Variants in TCTN2 observed in about 807,000 individuals in gnomAD.
The protein encoded by TCTN2 is tectonic family member 2, also known as tectonic-2.
A neutral mutation model predicts 83.4 loss-of-function variants in TCTN2; 66 were observed. That is an observed-to-expected ratio of 0.79 (90% CI 0.65 to 0.97). The LOEUF is 0.97. TCTN2 is among the 50% of genes least tolerant of loss of function. TCTN2 has a pLI of 0.00. For missense variants in TCTN2, 794 were observed against 858.1 expected (o/e 0.93, Z 0.93); for synonymous variants, 301 against 326.7 (o/e 0.92, Z 0.85).
chr12:123,695,458 G>A, intron 11 of TCTN2, 161 bp downstream of exon 11: 1 of 588,822 alleles, frequency 1.7e-6, no homozygotes, highest in Non-Finnish European at 3.0e-6. Context: ...GTCTTGCTCT[G>A]TTGCCTAGTC....
intron 9 of TCTN2, 110 bp from the exon 10 acceptor site, chr12:123,694,718 CTGGAGATAGGGAGG>C: frequency 1.0e-6 from 1 of 998,908 alleles, no homozygotes; most frequent in South Asian, 1.4e-5. Context: ...TGTTAGGGAG[CTGGAGATAGGGAGG>C]GCAGGGGCAG....
intron 5 of TCTN2, among the ~76,000 whole-genome samples, chr12:123,684,402 T>TC: frequency 6.7e-6 from 1 of 149,912 alleles, no homozygotes; most frequent in East Asian, 1.9e-4. Flanking sequence ...TGTCATTCTT[T>TC]TTTTTTTTTT....
At chr12:123,677,172 C>A (rs1336135249) in intron 4 of TCTN2, among the ~76,000 whole-genome samples, 1 of 152,050 alleles carries the variant, frequency 6.6e-6, no homozygotes, top group East Asian at 1.9e-4. Context: ...CAGAGTGAGA[C>A]CCTGTCTCAA....
chr12:123,679,815 C>T (rs1955872913), intron 5 of TCTN2, among the ~76,000 whole-genome samples: 1 of 145,500 alleles, frequency 6.9e-6, no homozygotes, highest in Non-Finnish European at 1.5e-5. Context: ...TCTTGGCTCA[C>T]TGCAAGCTCC....
At chr12:123,698,011 T>C (rs1268752147) in intron 13 of TCTN2, among the ~76,000 whole-genome samples, 1 of 152,012 alleles carries the variant, frequency 6.6e-6, no homozygotes, top group Non-Finnish European at 1.5e-5. Flanking sequence ...ATTACAGGCA[T>C]GAGTCACTCT....
intron 15 of TCTN2, among the ~76,000 whole-genome samples, chr12:123,706,148 A>G (rs988094954): frequency 6.6e-6 from 1 of 152,154 alleles, no homozygotes; most frequent in East Asian, 1.9e-4. Context: ...GACTGGGGCA[A>G]TGGACAGCTC....
At chr12:123,681,247 A>G (rs1484162608) in intron 5 of TCTN2, among the ~76,000 whole-genome samples, 1 of 112,942 alleles carries the variant, frequency 8.9e-6, no homozygotes, top group Non-Finnish European at 1.9e-5. Context: ...ACAGAGCAAG[A>G]CTCTCTTTCA....
At chr12:123,694,690 G>A in intron 9 of TCTN2, 152 bp from the exon 10 acceptor site, 1 of 740,652 alleles carries the variant, frequency 1.4e-6, no homozygotes, top group Non-Finnish European at 2.3e-6. Flanking sequence ...CTTCCTCAAG[G>A]AAGCAGTGAC....
rs1376932158 is a variant in TCTN2, at chr12:123,671,704, C to G, written c.190+90C>G. The G allele has an allele frequency of 1.6e-5, 19 of 1,170,752 alleles. No individual in the cohort carries two copies. In the South Asian group the frequency reaches 2.2e-4, roughly 13 times the overall value. 72.5% of individuals were successfully genotyped at this position (1,170,752 alleles called of 1,614,324 possible). Reference sequence around the variant, plus strand: ...TGGAGAGGTGGCATCCTTGGGGCCCCCTGCCTCTGTTCTCTGCAAAGTCGC... The same window carrying G: ...TGGAGAGGTGGCATCCTTGGGGCCCGCTGCCTCTGTTCTCTGCAAAGTCGC... On this transcript the variant is annotated intron_variant, in intron 2 of 17. Transcript: ENST00000303372.
At chr12:123,686,543 T>C (rs1411655566) in intron 5 of TCTN2, among the ~76,000 whole-genome samples, 1 of 152,214 alleles carries the variant, frequency 6.6e-6, no homozygotes, top group Non-Finnish European at 1.5e-5. Context: ...TATTCTGTAC[T>C]ATCTTTTCTT....
At chr12:123,679,901 A>G (rs1331364519) in intron 5 of TCTN2, among the ~76,000 whole-genome samples, 6 of 150,436 alleles carry the variant, frequency 4.0e-5, no homozygotes, top group Admixed American at 1.3e-4. Context: ...CACCACGCCC[A>G]GCTAATTTTT....
Position 123,707,668 on chromosome 12 carries a change from G to T in TCTN2, c.2049G>T (p.Leu683Phe), listed in dbSNP as rs975324103. 1 of 1,614,198 alleles carries T rather than the reference G, an allele frequency of 6.2e-7. No individual in the cohort carries two copies. Among genetic ancestry groups the T allele is most frequent in the Non-Finnish European group, 8.5e-7 (1 of 1,180,036 alleles). Residue 683 changes from leucine to phenylalanine, a missense_variant, in exon 18 of 18, where the codon TTG (leucine) becomes TTT (phenylalanine). By Grantham distance (22) the Leu-to-Phe change is conservative. Coordinates refer to ENST00000303372, the MANE Select transcript of TCTN2 (RefSeq NM_024809.5). ...TGCTGTTGTTCCTCACATTGGCCTT[G>T]TTCCTCAGCAACCCCTGGACCAGAA... ...LLLLLFLTLA[L>F]FLSNPWTRIC...
chr12:123,691,228 C>G (rs1219242578), intron 8 of TCTN2, among the ~76,000 whole-genome samples: 1 of 152,124 alleles, frequency 6.6e-6, no homozygotes, highest in Non-Finnish European at 1.5e-5. Flanking sequence ...CACTGTTGTG[C>G]CACCATCACC....
At chr12:123,703,185 A>G (rs1956191744) in intron 14 of TCTN2, among the ~76,000 whole-genome samples, 1 of 145,880 alleles carries the variant, frequency 6.9e-6, no homozygotes, top group Admixed American at 6.9e-5. Flanking sequence ...TTTTTCAATT[A>G]TTATCATTAT....
chr12:123,688,501 C>T (rs2135837146), intron 7 of TCTN2, among the ~76,000 whole-genome samples: 2 of 152,204 alleles, frequency 1.3e-5, no homozygotes, highest in Middle Eastern at 3.4e-3. Context: ...AGGCATGAGC[C>T]ACCATGCCTG....
chr12:123,676,156 T>C (rs1000302041), intron 4 of TCTN2, among the ~76,000 whole-genome samples: 2 of 152,132 alleles, frequency 1.3e-5, no homozygotes, highest in East Asian at 3.8e-4. Context: ...AGTCGGTGCC[T>C]GTAGCCCCAG....
At chr12:123,706,270 G>C (rs192067149) in intron 15 of TCTN2, among the ~76,000 whole-genome samples, 5 of 152,322 alleles carry the variant, frequency 3.3e-5, no homozygotes, top group Admixed American at 3.3e-4. Context: ...TGGGAGTGCA[G>C]TTACCACCTC....
At chr12:123,687,429 G>A (rs892016480) in intron 6 of TCTN2, among the ~76,000 whole-genome samples, 7 of 151,386 alleles carry the variant, frequency 4.6e-5, no homozygotes, top group Non-Finnish European at 7.4e-5. Context: ...AGGCCGAGGC[G>A]GGCAGATCAT....
At chr12:123,691,801 G>A (rs994309934) in intron 8 of TCTN2, among the ~76,000 whole-genome samples, 2 of 150,300 alleles carry the variant, frequency 1.3e-5, no homozygotes, top group African/African-American at 4.9e-5. Flanking sequence ...ACGTGATCTC[G>A]GCTCGCTGCA....
Sources: allele counts gnomAD v4.1 joint callset (sites outside exome capture counted in the v4.1 genomes callset), GRCh38; gene constraint gnomAD v4.1.1; transcripts MANE v1.5; gene names NCBI Gene and HGNC (gene_info 2026-07-23, HGNC 2026-07-21).